The following UNC79 variants were observed in gnomAD, a reference collection of about 807,000 sequenced individuals.
The protein encoded by UNC79 is protein unc-79 homolog.
Under a neutral mutation model 283.1 loss-of-function variants are expected in UNC79, and 37 were observed. The observed-to-expected ratio is 0.13, with a 90% CI of 0.10 to 0.17. The LOEUF (loss-of-function observed/expected upper bound fraction) is 0.17. Among genes scored for constraint, UNC79 ranks in the 10% least tolerant of loss-of-function variants. The probability of loss-of-function intolerance (pLI) is 1.00; values close to 1 mark genes in which losing one functional copy is unlikely to be tolerated. For synonymous variants in UNC79, 1,107 were observed against 1,200.2 expected, an observed-to-expected ratio of 0.92 and a Z score of 1.61; for missense variants, 2,272 against 3,211.1, an observed-to-expected ratio of 0.71 and a Z score of 7.07.
intron 20 of UNC79, among the ~76,000 whole-genome samples, chr14:93,583,554 A>T (rs1292777238): frequency 6.6e-6 from 1 of 152,168 alleles, no homozygotes. Flanking sequence ...TGAATTGTGT[A>T]TGAATATCTC....
At chr14:93,663,373 A>C (rs887051536) in intron 40 of UNC79, among the ~76,000 whole-genome samples, 2 of 152,184 alleles carry the variant, frequency 1.3e-5, no homozygotes, top group African/African-American at 4.8e-5. Flanking sequence ...GCAGGGCAAA[A>C]TGGGAGCATT....
Position 93,634,652 on chromosome 14 carries a change from T to G in UNC79, c.5717-2564T>G. On this transcript the variant is annotated intron_variant, in intron 31 of 48. Coordinates refer to ENST00000555664, the Ensembl canonical transcript of UNC79. ...CTGGGACACTGGTGGGTCAAGCTTT[T>G]TCTTCTCATTCTACCTCTCGGATTA... 1.3e-6 allele frequency: 2 copies of G among 1,595,958 alleles called. No individual in the cohort carries two copies. Among genetic ancestry groups the G allele is most frequent in the South Asian group, 2.2e-5 (2 of 90,680 alleles).
chr14:93,622,922 G>A, intron 30 of UNC79, 81 bp downstream of exon 32: 1 of 1,512,098 alleles, frequency 6.6e-7, no homozygotes, highest in Non-Finnish European at 8.9e-7. Flanking sequence ...CACTGAATAT[G>A]CATCAGACTC....
At chr14:93,446,488 C>A (rs943677255) in intron 1 of UNC79, among the ~76,000 whole-genome samples, 5 of 151,856 alleles carry the variant, frequency 3.3e-5, no homozygotes, top group Non-Finnish European at 5.9e-5. Context: ...CTCCACCTCC[C>A]AGGTTTAAGC....
intron 7 of UNC79, among the ~76,000 whole-genome samples, chr14:93,520,182 C>T (rs962965655): frequency 6.6e-6 from 1 of 151,824 alleles, no homozygotes; most frequent in Non-Finnish European, 1.5e-5. Context: ...GTATAGAATT[C>T]TAGGTTGACA....
At chr14:93,658,277 A>G (rs933174844) in intron 38 of UNC79, among the ~76,000 whole-genome samples, 1 of 152,220 alleles carries the variant, frequency 6.6e-6, no homozygotes, top group Non-Finnish European at 1.5e-5. Context: ...GTCAGTGTGC[A>G]TCACTGTCCC....
Position 93,617,849 on chromosome 14 carries a change from C to A in UNC79, c.4225-343C>A, listed in dbSNP as rs1000234305. Among the ~76,000 whole-genome samples the A allele has an allele frequency of 6.6e-6, 1 of 152,006 alleles. No homozygotes were observed. Among genetic ancestry groups the A allele is most frequent in the Admixed American group, 6.6e-5 (1 of 15,260 alleles). ...CCTGACTCCGGGAGTTCGAGCCCAG[C>A]CTGAGCAACATGGTGAAATCCCATC... is the stretch of plus-strand genomic sequence containing the variant. On this transcript the variant is annotated intron_variant, in intron 28 of 48. Coordinates refer to ENST00000555664, the Ensembl canonical transcript of UNC79. This position sits in a 1 kb window ranked among gnomAD's most constrained non-coding sequence, Gnocchi z 4.5.
chr14:93,677,327 A>G (rs994404590), intron 41 of UNC79, among the ~76,000 whole-genome samples: 1 of 152,230 alleles, frequency 6.6e-6, no homozygotes, highest in African/African-American at 2.4e-5. Context: ...TTATAAAAGA[A>G]AGAGGTTTAA....
intron 1 of UNC79, among the ~76,000 whole-genome samples, chr14:93,448,172 T>C (rs2056523560): frequency 1.6e-5 from 2 of 128,122 alleles, no homozygotes; most frequent in African/African-American, 7.2e-5. Context: ...GACTCGGTTC[T>C]TTTTTTTTTT....
chr14:93,581,556 T>A (rs2141759206), intron 19 of UNC79, among the ~76,000 whole-genome samples: 1 of 147,694 alleles, frequency 6.8e-6, no homozygotes, highest in South Asian at 2.2e-4. Flanking sequence ...TACTGTGGTA[T>A]GATCTCGGCT....
At chr14:93,386,927 CTTTTTTTTTTTTTTTTTTT>C (rs35267402) in intron 1 of UNC79, among the ~76,000 whole-genome samples, 2 of 27,162 alleles carry the variant, frequency 7.4e-5, no homozygotes, top group Non-Finnish European at 1.2e-4. Context: ...TGTATTTCTG[CTTTTTTTTTTTTTTTTTTT>C]TTTTTTTTTT....
At chr14:93,661,998 A>T (rs535096841) in intron 39 of UNC79, among the ~76,000 whole-genome samples, 1 of 152,272 alleles carries the variant, frequency 6.6e-6, no homozygotes, top group Non-Finnish European at 1.5e-5. Context: ...TCTGTCTGAC[A>T]CTCAGTAGGT....
chr14:93,547,867 A>C (rs1169208661), intron 14 of UNC79, among the ~76,000 whole-genome samples: 1 of 152,042 alleles, frequency 6.6e-6, no homozygotes, highest in Non-Finnish European at 1.5e-5. Flanking sequence ...GTTGGCTCGC[A>C]CCTGTAGTCC....
chr14:93,546,595 A>G (rs1479795852), intron 14 of UNC79, among the ~76,000 whole-genome samples: 1 of 152,262 alleles, frequency 6.6e-6, no homozygotes, highest in Non-Finnish European at 1.5e-5. Context: ...TAAATCTACC[A>G]AATTATTGTG....
exon 34 of UNC79, chr14:93,643,586 A>G (rs1040623913): frequency 1.2e-6 from 2 of 1,613,932 alleles, no homozygotes; most frequent in Admixed American, 1.7e-5. Context: ...ATTCTTGAAG[A>G]ATACGATGAA....
chr14:93,496,505 T>C (rs1188148132), intron 6 of UNC79, 39 bp downstream of exon 6: 4 of 1,387,972 alleles, frequency 2.9e-6, no homozygotes, highest in Non-Finnish European at 3.9e-6. Context: ...GTCACAAACT[T>C]AATTTGTATA....
chr14:93,448,625 G>T (rs1394825366), intron 1 of UNC79, among the ~76,000 whole-genome samples: 1 of 152,124 alleles, frequency 6.6e-6, no homozygotes, highest in African/African-American at 2.4e-5. Context: ...GGAGACTTTG[G>T]GGTCTACTAT....
chr14:93,583,317 C>CAAA (rs112879763), intron 20 of UNC79, among the ~76,000 whole-genome samples: 1 of 124,598 alleles, frequency 8.0e-6, no homozygotes. Context: ...AAACTCTGCT[C>CAAA]AAAAAAAAAA....
chr14:93,374,639 A>G (rs2054518734), intron 1 of UNC79, among the ~76,000 whole-genome samples: 1 of 152,130 alleles, frequency 6.6e-6, no homozygotes, highest in South Asian at 2.1e-4. Flanking sequence ...CCTGGGCTCA[A>G]GCGATCCTCC....
Sources: gnomAD v4.1 joint callset for allele counts (sites outside exome capture counted in the v4.1 genomes callset) on GRCh38, gnomAD v4.1.1 for gene constraint, Gnocchi (gnomAD v3.1) non-coding constraint, MANE v1.5 for transcripts, NCBI Gene and HGNC (gene_info 2026-07-23, HGNC 2026-07-21) for gene names.